Variants in STRN4 observed in about 807,000 individuals in gnomAD.
The protein encoded by STRN4 is striatin-4.
Under a neutral mutation model 77.9 loss-of-function variants are expected in STRN4, and 27 were observed. The ratio of observed to expected loss-of-function variants is 0.35; its 90% CI spans 0.26 to 0.48. STRN4 has a LOEUF of 0.48. Ranked by LOEUF, STRN4 falls within the 20% of genes least tolerant of loss-of-function variation. STRN4 has a pLI of 0.99. For missense variants in STRN4, 798 were observed against 1,049.7 expected (o/e 0.76, Z 3.31); for synonymous variants, 466 against 443.1 (o/e 1.05, Z -0.65).
In STRN4 at chr19:46,733,140, T is replaced by C; in HGVS notation, c.636A>G (p.Ala212=). ...TGGGGGCCCCTTCACTCGGCTCCAC[T>C]GCCCCGTTGAGCTCCAGCGAGCGGC... ...LLGRSLELNG[A]VEPSEGAPRA... Residue 212 remains alanine (A), a synonymous_variant, in exon 5 of 18, where the codon GCA becomes GCG. Coordinates refer to ENST00000263280, the MANE Select transcript of STRN4 (RefSeq NM_013403.3). This position sits in a 1 kb window ranked among gnomAD's most constrained non-coding sequence, Gnocchi z 4.3. 6.2e-7 allele frequency: 1 copy of C among 1,612,568 alleles called. No homozygotes were observed. The highest frequency in any genetic ancestry group is 8.5e-7 in the Non-Finnish European group (1 of 1,179,962).
chr19:46,739,846 A>T (rs2054442073), intron 1 of STRN4, among the ~76,000 whole-genome samples: 1 of 152,236 alleles, frequency 6.6e-6, no homozygotes, highest in Non-Finnish European at 1.5e-5. Flanking sequence ...TGCTCAGTCA[A>T]GGCCTGGCAC....
At chr19:46,730,670 G>A (rs533964872) in intron 6 of STRN4, 62 bp downstream of exon 6, 137 of 1,588,214 alleles carry the variant, frequency 8.6e-5, no homozygotes, top group African/African-American at 6.2e-4. Context: ...AGGCTGACTC[G>A]GAAGGGCTTC....
At chr19:46,720,439 T>C (rs913402190) in intron 17 of STRN4, 97 bp downstream of exon 17, 38 of 885,358 alleles carry the variant, frequency 4.3e-5, no homozygotes, top group Non-Finnish European at 5.2e-5. Context: ...CCAGTGATTC[T>C]CACAGGACGC....
Position 46,730,877 on chromosome 19 carries a change from CCAAAGACAGCAGAG to C in STRN4, c.738-18_738-5del, listed in dbSNP as rs1465044952. 1 of 1,609,988 alleles carries C rather than the reference CCAAAGACAGCAGAG, an allele frequency of 6.2e-7. No homozygotes were observed. Among genetic ancestry groups the C allele is most frequent in the Non-Finnish European group, 8.5e-7 (1 of 1,179,966 alleles). On this transcript the variant is annotated splice_polypyrimidine_tract_variant and splice_region_variant and intron_variant, in intron 5 of 17. Coordinates refer to ENST00000263280, the MANE Select transcript of STRN4 (RefSeq NM_013403.3). ...GCCATCTTTGCCTGCCGCGTTCCTG[CCAAAGACAGCAGAG>C]CAGAGGAGGCATGAGTCCTGGCAGG...
At chr19:46,728,145 G>C in intron 7 of STRN4, 138 bp from the exon 8 acceptor site, 2 of 830,380 alleles carry the variant, frequency 2.4e-6, no homozygotes, top group East Asian at 5.3e-5. Context: ...GGGGGGGAAT[G>C]GGCAGAGGAG....
rs113171367 is a variant in STRN4 at position 46,728,861 on chromosome 19, G to A, written c.880-84C>T. 1.4e-3 allele frequency: 2,227 copies of A among 1,554,116 alleles called. 30 individuals are homozygous for A. In the African/African-American group the frequency reaches 0.027, roughly 19 times the overall value. ...CTCCGTGCCTAGGAACAGGTAAGCCGGGGCTCTGGGCCCGTTTCTGTTCAT... is the reference window on the plus strand; with the variant it reads ...CTCCGTGCCTAGGAACAGGTAAGCCAGGGCTCTGGGCCCGTTTCTGTTCAT... On this transcript the variant is annotated intron_variant, in intron 6 of 17. Coordinates refer to ENST00000263280, the MANE Select transcript of STRN4 (RefSeq NM_013403.3).
rs2122367213 is a variant in STRN4 at position 46,738,446 on chromosome 19, T to C, written c.387-209A>G. Among the ~76,000 whole-genome samples the C allele has an allele frequency of 6.6e-6, 1 of 152,158 alleles. No homozygotes were observed. Among genetic ancestry groups the C allele is most frequent in the South Asian group, 2.1e-4 (1 of 4,826 alleles). On this transcript the variant is annotated intron_variant, in intron 2 of 17. Coordinates refer to ENST00000263280, the MANE Select transcript of STRN4 (RefSeq NM_013403.3). The surrounding 1 kb of genome is among the most constrained non-coding windows in gnomAD (Gnocchi z 4.5). Reference sequence around the variant, plus strand: ...AACCTAGGTTGCTCTCAGGGGTCCTTGAGGAAACCATCAGCCCTTGAAACC... The same window carrying C: ...AACCTAGGTTGCTCTCAGGGGTCCTCGAGGAAACCATCAGCCCTTGAAACC...
At chr19:46,727,184 G>A (rs563807678) in intron 9 of STRN4, among the ~76,000 whole-genome samples, 3 of 152,330 alleles carry the variant, frequency 2.0e-5, no homozygotes, top group East Asian at 1.9e-4. Context: ...AGCAGGGGGT[G>A]GCTACAGGTC....
chr19:46,729,601 G>A (rs113959074), intron 6 of STRN4, among the ~76,000 whole-genome samples: 1,625 of 152,304 alleles, frequency 0.011, 22 homozygotes, highest in African/African-American at 0.037. Flanking sequence ...GAAAGGCAGC[G>A]GCCGGGCTCA....
At position 46,734,825 on chromosome 19, in the gene STRN4, C is replaced by T. The variant is rs112513479; in HGVS notation, c.540-1589G>A. ...GACTACAGGCACCCGCCACCAAGCC[C>T]GGCTAATTTTTTGTATTTTTAGTAG... is the stretch of plus-strand genomic sequence containing the variant. On this transcript the variant is annotated intron_variant, in intron 4 of 17. Transcript: ENST00000263280. Among the ~76,000 whole-genome samples the T allele has an allele frequency of 2.8e-3, 428 of 152,168 alleles. 3 individuals are homozygous for T. Among genetic ancestry groups the T allele is most frequent in the African/African-American group, 8.9e-3 (368 of 41,522 alleles).
intron 16 of STRN4, chr19:46,721,010 G>T: frequency 9.9e-6 from 4 of 404,186 alleles, no homozygotes; most frequent in Admixed American, 4.5e-5. Flanking sequence ...CTGAGCCCCA[G>T]GGCGGCAGGG....
chr19:46,720,323 C>T lies in STRN4; in HGVS notation c.*82G>A, dbSNP rs778993460. On this transcript the variant is annotated 3_prime_UTR_variant, in exon 18 of 18. Coordinates refer to ENST00000263280, the MANE Select transcript of STRN4 (RefSeq NM_013403.3). ...AGAGGCCAGGCCTCTGCACCTCCAG[C>T]GAGGCTGGGAGTCCCCTGCGGGAAA... 1.0e-4 allele frequency: 34 copies of T among 330,436 alleles called. No homozygotes were observed. The highest frequency in any genetic ancestry group is 3.0e-4 in the Admixed American group (6 of 20,220). 20.5% of individuals were successfully genotyped at this position (330,436 alleles called of 1,614,324 possible).
rs1160818686 is a variant in STRN4, at chr19:46,725,463, C to T, written c.1424+10G>A. The T allele has an allele frequency of 6.2e-7, 1 of 1,613,846 alleles. No individual in the cohort carries two copies. Among genetic ancestry groups the T allele is most frequent in the South Asian group, 1.1e-5 (1 of 91,086 alleles). On this transcript the variant is annotated intron_variant, in intron 10 of 17. Transcript: ENST00000263280. ...GCCCCTGCCCCCGGCTCTGAGCTTG[C>T]TGCCCTCACTTCTTGGCCGTGACCG...
intron 5 of STRN4, 67 bp from the exon 6 acceptor site, chr19:46,730,940 G>A: frequency 1.9e-6 from 3 of 1,585,332 alleles, no homozygotes; most frequent in Non-Finnish European, 2.6e-6. Context: ...ATAGGAAGGT[G>A]CCCTCCCAGG....
chr19:46,726,788 T>C (rs566273802), intron 9 of STRN4, among the ~76,000 whole-genome samples: 1 of 152,268 alleles, frequency 6.6e-6, no homozygotes, highest in East Asian at 1.9e-4. Flanking sequence ...GCCACAGTTC[T>C]TTAGGGTCAG....
chr19:46,739,756 C>T (rs910407944), intron 1 of STRN4, among the ~76,000 whole-genome samples: 2 of 152,252 alleles, frequency 1.3e-5, no homozygotes, highest in African/African-American at 2.4e-5. Context: ...TTACGCAGGT[C>T]ATCAGCCTTC....
intron 5 of STRN4, 131 bp from the exon 6 acceptor site, chr19:46,731,004 A>C: frequency 7.8e-7 from 1 of 1,277,794 alleles, no homozygotes; most frequent in South Asian, 1.4e-5. Context: ...AGCAGCCTTG[A>C]CTCTGGTCAC....
In STRN4 at chr19:46,720,777, C is replaced by T. The variant is rs1047019747; in HGVS notation, c.2093-6G>A. Reference sequence around the variant, plus strand: ...ACGCAGGGAGCAGTCATGGCCTGCACATGTGTCGGGGACAGAAGGGGTGGT... The same window carrying T: ...ACGCAGGGAGCAGTCATGGCCTGCATATGTGTCGGGGACAGAAGGGGTGGT... On this transcript the variant is annotated splice_polypyrimidine_tract_variant and splice_region_variant and intron_variant, in intron 16 of 17. Coordinates refer to ENST00000263280, the MANE Select transcript of STRN4 (RefSeq NM_013403.3). The T allele has an allele frequency of 1.9e-6, 3 of 1,565,490 alleles. No individual in the cohort carries two copies. Among genetic ancestry groups the T allele is most frequent in the South Asian group, 1.2e-5 (1 of 84,072 alleles).
chr19:46,720,623 G>A lies in STRN4; in HGVS notation c.2241C>T (p.Ala747=). The change falls in exon 17 of 18, where the codon GCC becomes GCT. Residue 747 remains alanine (A), a synonymous_variant. Coordinates refer to ENST00000263280, the MANE Select transcript of STRN4 (RefSeq NM_013403.3). ...GGCATCATACGAAGACCTTGGCCAG[G>A]GCATCAGCGCCAGCACTGGCAATGA... The part of the protein sequence containing the change: ...KALIASAGAD[A]LAKVFV 1 of 1,596,392 alleles carries A rather than the reference G, an allele frequency of 6.3e-7. No individual in the cohort carries two copies. The highest frequency in any genetic ancestry group is 8.6e-7 in the Non-Finnish European group (1 of 1,169,200).
Sources: gnomAD v4.1 joint callset for allele counts (sites outside exome capture counted in the v4.1 genomes callset) on GRCh38, gnomAD v4.1.1 for gene constraint, Gnocchi (gnomAD v3.1) non-coding constraint, MANE v1.5 for transcripts, NCBI Gene and HGNC (gene_info 2026-07-23, HGNC 2026-07-21) for gene names.